The following SLC44A5 variants were observed in gnomAD, a reference collection of about 807,000 sequenced individuals.
SLC44A5 encodes choline transporter-like protein 5.
In SLC44A5, 57 loss-of-function variants were observed where a neutral mutation model predicts 101.8. The observed-to-expected ratio is 0.56, with a 90% CI of 0.45 to 0.70. The LOEUF is 0.70. SLC44A5 is among the 30% of genes least tolerant of loss of function. SLC44A5 has a pLI of 0.00. For synonymous variants in SLC44A5, 281 were observed against 290.9 expected (o/e 0.97, Z 0.35); for missense variants, 737 against 853.1 (o/e 0.86, Z 1.70).
intron 23 of SLC44A5, among the ~76,000 whole-genome samples, chr1:75,207,902 C>T (rs755642835): frequency 1.8e-4 from 28 of 152,140 alleles, no homozygotes; most frequent in Non-Finnish European, 4.4e-5. Flanking sequence ...CTTTATCCAG[C>T]ATCACCTTGC....
chr1:75,718,261 G>C, the SLC44A5 span, among the ~76,000 whole-genome samples: 4 of 152,134 alleles, frequency 2.6e-5, no homozygotes, highest in African/African-American at 4.8e-5. Context: ...TGCTAAATGG[G>C]AGCCAGTAAA....
intron 3 of SLC44A5, among the ~76,000 whole-genome samples, chr1:75,385,385 A>G (rs1204344899): frequency 6.6e-6 from 1 of 151,872 alleles, no homozygotes; most frequent in East Asian, 1.9e-4. Flanking sequence ...TATCGCCACC[A>G]ATCCCACAGA....
At chr1:75,699,260 C>T in the SLC44A5 span, among the ~76,000 whole-genome samples, 2 of 152,022 alleles carry the variant, frequency 1.3e-5, no homozygotes, top group Middle Eastern at 3.2e-3. Context: ...AGAGAAAGGT[C>T]GGGTTACCCT....
chr1:75,581,693 G>A (rs1309796501), intron 1 of SLC44A5, among the ~76,000 whole-genome samples: 2 of 152,146 alleles, frequency 1.3e-5, no homozygotes, highest in Admixed American at 6.5e-5. Flanking sequence ...GGAAGTGTCT[G>A]GGTCATGGCT....
chr1:75,236,994 T>C lies in SLC44A5; in HGVS notation c.733A>G (p.Ile245Val). 4 of 1,585,950 alleles carry C rather than the reference T, an allele frequency of 2.5e-6. No individual in the cohort carries two copies. The highest frequency in any genetic ancestry group is 3.5e-6 in the Non-Finnish European group (4 of 1,157,760). The change falls in exon 11 of 24, where the codon ATT becomes GTT. Residue 245 changes from isoleucine (I) to valine (V), a missense_variant. Coordinates refer to ENST00000370859, the MANE Select transcript of SLC44A5 (RefSeq NM_001130058.2). The part of the protein sequence containing the change: ...FEDYARTWYW[I>V]LIGLTIAMVL... ...CTATGTGTTTTCACTTACATGAGAATCCAATACCAAGTTCTTGCATAGTCT... is the reference window on the plus strand; with the variant it reads ...CTATGTGTTTTCACTTACATGAGAACCCAATACCAAGTTCTTGCATAGTCT...
chr1:75,678,009 C>T, the SLC44A5 span: 1 of 187,328 alleles, frequency 5.3e-6, no homozygotes. Context: ...ATGGACGGCA[C>T]CAGGAAAATT....
intron 1 of SLC44A5, among the ~76,000 whole-genome samples, chr1:75,609,919 T>C (rs1675553228): frequency 6.6e-6 from 1 of 152,060 alleles, no homozygotes; most frequent in Non-Finnish European, 1.5e-5. Context: ...GATTCAGGAA[T>C]CCAGAAGCAG....
In SLC44A5 at chr1:75,375,448, C is replaced by T. The variant is rs114723802; in HGVS notation, c.52+21135G>A. Among the ~76,000 whole-genome samples the T allele has an allele frequency of 7.3e-3, 1,118 of 152,238 alleles. 12 individuals carry two copies. Among genetic ancestry groups the T allele is most frequent in the African/African-American group, 0.022 (895 of 41,540 alleles). ...ATCCACAACAATTTCCCCAATTTTG[C>T]GAAAGAAGTTGACATGTAAGTTCAA... On this transcript the variant is annotated intron_variant, in intron 3 of 23. Transcript: ENST00000370859.
At chr1:75,570,378 G>C (rs542406209) in intron 1 of SLC44A5, among the ~76,000 whole-genome samples, 33 of 152,280 alleles carry the variant, frequency 2.2e-4, no homozygotes, top group Admixed American at 5.2e-4. Context: ...GAAATACACA[G>C]AAGAAATCAA....
rs144211655 is a variant in SLC44A5 at position 75,493,565 on chromosome 1, G to T, written c.13+47870C>A. 2.0e-4 allele frequency among the ~76,000 whole-genome samples: 30 copies of T among 152,214 alleles called. No homozygotes were observed. In the East Asian group the frequency reaches 3.7e-3, roughly 19 times the overall value. ...ATTAGATTTTACAATGGAATTATCA[G>T]CCACAGTAGAGACTGAAAACACAAT... On this transcript the variant is annotated intron_variant, in intron 2 of 23. Coordinates refer to ENST00000370859, the MANE Select transcript of SLC44A5 (RefSeq NM_001130058.2).
chr1:75,478,161 A>G (rs1296749773), intron 2 of SLC44A5, among the ~76,000 whole-genome samples: 3 of 152,190 alleles, frequency 2.0e-5, no homozygotes, highest in African/African-American at 7.2e-5. Context: ...TAAGCTTCAT[A>G]AGTGAAGGAG....
At chr1:75,679,720 C>G in the SLC44A5 span, among the ~76,000 whole-genome samples, 1 of 151,030 alleles carries the variant, frequency 6.6e-6, no homozygotes, top group African/African-American at 2.4e-5. Context: ...AGCAAAATAA[C>G]CAGCTAACAT....
At chr1:75,458,900 T>C (rs1666339080) in intron 2 of SLC44A5, among the ~76,000 whole-genome samples, 1 of 152,148 alleles carries the variant, frequency 6.6e-6, no homozygotes, top group South Asian at 2.1e-4. Flanking sequence ...AGTTTGTTTT[T>C]GAATATAATG....
Position 75,206,703 on chromosome 1 carries a change from T to C in SLC44A5, c.2048-2870A>G, listed in dbSNP as rs1426332027. On this transcript the variant is annotated intron_variant, in intron 23 of 23. Coordinates refer to ENST00000370859, the MANE Select transcript of SLC44A5 (RefSeq NM_001130058.2). Reference sequence around the variant, plus strand: ...AGGGTTTTTCTGTAGATCCATCATTTCTTTCCAGATCTTCACCTGTATATG... The same window carrying C: ...AGGGTTTTTCTGTAGATCCATCATTCCTTTCCAGATCTTCACCTGTATATG... The C allele has an allele frequency of 4.4e-6, 7 of 1,603,478 alleles. No individual in the cohort carries two copies. The African/African-American group carries it at 5.4e-5, about 12-fold the overall frequency.
At chr1:75,679,821 T>C in the SLC44A5 span, among the ~76,000 whole-genome samples, 1 of 152,076 alleles carries the variant, frequency 6.6e-6, no homozygotes, top group South Asian at 2.1e-4. Flanking sequence ...GACTGGCAAA[T>C]TGGATAAAGA....
chr1:75,577,053 C>T (rs1303877), intron 1 of SLC44A5, among the ~76,000 whole-genome samples: 90,711 of 152,000 alleles, frequency 0.6, 27,548 homozygotes, highest in East Asian at 0.9. Flanking sequence ...GAGCAAAGCC[C>T]TGCATCTCAT....
the SLC44A5 span, among the ~76,000 whole-genome samples, chr1:75,707,712 C>T: frequency 6.6e-6 from 1 of 152,080 alleles, no homozygotes; most frequent in Non-Finnish European, 1.5e-5. Flanking sequence ...TGTTTTGAAA[C>T]CTCAAAAGTA....
chr1:75,652,256 A>G, the SLC44A5 span, among the ~76,000 whole-genome samples: 1 of 152,216 alleles, frequency 6.6e-6, no homozygotes, highest in African/African-American at 2.4e-5. Context: ...GTACACCAAC[A>G]TATAAAACCC....
At chr1:75,440,377 C>G (rs1487973627) in intron 2 of SLC44A5, among the ~76,000 whole-genome samples, 1 of 152,024 alleles carries the variant, frequency 6.6e-6, no homozygotes, top group Non-Finnish European at 1.5e-5. Flanking sequence ...ATGGCAAATT[C>G]AAAGGCCATG....
Sources: allele counts gnomAD v4.1 joint callset (sites outside exome capture counted in the v4.1 genomes callset), GRCh38; gene constraint gnomAD v4.1.1; transcripts MANE v1.5; gene names NCBI Gene and HGNC (gene_info 2026-07-23, HGNC 2026-07-21).